NCAM2: variants seen among roughly 807,000 people sequenced by gnomAD.
NCAM2 encodes N-CAM-2.
Under a neutral mutation model 98.1 loss-of-function variants are expected in NCAM2, and 30 were observed. That is an observed-to-expected ratio of 0.31 (90% CI 0.23 to 0.41). NCAM2 has a LOEUF of 0.41. NCAM2 is among the 10% of genes least tolerant of loss of function. The probability of loss-of-function intolerance (pLI) is 1.00; values close to 1 mark genes in which losing one functional copy is unlikely to be tolerated. For synonymous variants in NCAM2, 368 were observed against 342.4 expected (o/e 1.07, Z -0.83); for missense variants, 867 against 1,005.8 (o/e 0.86, Z 1.87).
At chr21:21,074,735 C>G (rs2065643370) in intron 1 of NCAM2, among the ~76,000 whole-genome samples, 1 of 151,968 alleles carries the variant, frequency 6.6e-6, no homozygotes. Context: ...CTTCCTCTAT[C>G]TTTTCTTCTT....
chr21:21,335,171 G>C (rs2074825892), intron 6 of NCAM2, among the ~76,000 whole-genome samples: 1 of 152,008 alleles, frequency 6.6e-6, no homozygotes, highest in Non-Finnish European at 1.5e-5. Context: ...ATTTAATTGT[G>C]TATGGGATTA....
chr21:21,404,872 T>G (rs1393169072), intron 9 of NCAM2, among the ~76,000 whole-genome samples: 1 of 151,386 alleles, frequency 6.6e-6, no homozygotes, highest in East Asian at 1.9e-4. Context: ...AAGTTGCTTT[T>G]TTACAAAAGC....
rs535808748 is a variant in NCAM2 at position 21,442,977 on chromosome 21, A to G, written c.1654+10696A>G. ...ACAAACACTGGATTACTTTAACTAT[A>G]CAAAAATTTTCCTGCTTTCTCTTGT... On this transcript the variant is annotated intron_variant, in intron 12 of 17. Coordinates refer to ENST00000400546, the MANE Select transcript of NCAM2 (RefSeq NM_004540.5). Among the ~76,000 whole-genome samples, 6 of 152,244 alleles carry G rather than the reference A, an allele frequency of 3.9e-5. No individual in the cohort carries two copies. The South Asian group carries it at 1.0e-3, about 26-fold the overall frequency.
chr21:21,434,903 G>A (rs1056138077), intron 12 of NCAM2, among the ~76,000 whole-genome samples: 1 of 152,162 alleles, frequency 6.6e-6, no homozygotes. Context: ...TTCTGGTGCT[G>A]TTGACCTCAT....
chr21:21,450,815 CACACACACACACACACACAT>C (rs1222518080), intron 12 of NCAM2, among the ~76,000 whole-genome samples: 2 of 133,900 alleles, frequency 1.5e-5, no homozygotes, highest in African/African-American at 5.5e-5. Flanking sequence ...CACACACACA[CACACACACACACACACACAT>C]ATCTCCTGTC....
intron 1 of NCAM2, among the ~76,000 whole-genome samples, chr21:21,034,111 T>G (rs2146234914): frequency 6.6e-6 from 1 of 152,062 alleles, no homozygotes; most frequent in South Asian, 2.1e-4. Flanking sequence ...GTACCCTAGT[T>G]TATACATTCT....
chr21:21,206,442 C>G (rs920203081), intron 1 of NCAM2, among the ~76,000 whole-genome samples: 1 of 152,060 alleles, frequency 6.6e-6, no homozygotes, highest in African/African-American at 2.4e-5. Flanking sequence ...TTATTCTAAA[C>G]TAATTATAAT....
At chr21:21,420,530 A>C (rs556711164) in intron 11 of NCAM2, among the ~76,000 whole-genome samples, 1 of 152,080 alleles carries the variant, frequency 6.6e-6, no homozygotes, top group Non-Finnish European at 1.5e-5. Flanking sequence ...AAGAAATTTT[A>C]TAACCTTTTC....
At chr21:21,436,763 T>C (rs1253730675) in intron 12 of NCAM2, among the ~76,000 whole-genome samples, 1 of 133,250 alleles carries the variant, frequency 7.5e-6, no homozygotes, top group Non-Finnish European at 1.6e-5. Flanking sequence ...AAGCAACTTT[T>C]TTTTTCTTTT....
rs535620844 is a variant in NCAM2, at chr21:21,486,136, T to C, written c.2077+8665T>C. Among the ~76,000 whole-genome samples the C allele has an allele frequency of 2.0e-5, 3 of 151,904 alleles. No homozygotes were observed. The South Asian group carries it at 6.2e-4, about 32-fold the overall frequency. On this transcript the variant is annotated intron_variant, in intron 15 of 17. Coordinates refer to ENST00000400546, the MANE Select transcript of NCAM2 (RefSeq NM_004540.5). ...GGCTAACACGGTAAAACCCCGTCTC[T>C]ACTAAAAAATGCAAAAAATTAGCCG...
intron 11 of NCAM2, among the ~76,000 whole-genome samples, chr21:21,426,969 A>G (rs2077226948): frequency 6.6e-6 from 1 of 152,180 alleles, no homozygotes. Context: ...TTCTGAAATA[A>G]TATTCATGCT....
intron 9 of NCAM2, among the ~76,000 whole-genome samples, chr21:21,377,770 C>G (rs1231062442): frequency 6.6e-6 from 1 of 151,840 alleles, no homozygotes; most frequent in Non-Finnish European, 1.5e-5. Context: ...TGCAATAACT[C>G]TCAAAACCTA....
At chr21:21,248,814 A>G (rs1208773791) in intron 1 of NCAM2, among the ~76,000 whole-genome samples, 3 of 99,026 alleles carry the variant, frequency 3.0e-5, no homozygotes, top group Non-Finnish European at 6.2e-5. Context: ...AAAAAAAAAA[A>G]AAAGATTTAT....
At chr21:21,382,306 A>G (rs2076169783) in intron 9 of NCAM2, among the ~76,000 whole-genome samples, 1 of 151,972 alleles carries the variant, frequency 6.6e-6, no homozygotes, top group Admixed American at 6.6e-5. Flanking sequence ...TCTCTTACTA[A>G]TCTCTGGAAC....
intron 12 of NCAM2, among the ~76,000 whole-genome samples, chr21:21,460,868 C>T (rs1211437936): frequency 6.6e-6 from 1 of 151,378 alleles, no homozygotes; most frequent in Non-Finnish European, 1.5e-5. Flanking sequence ...TTAGAGTTTC[C>T]GTCAGCACAG....
At chr21:21,461,825 A>ATTACATACC (rs1468452047) in intron 12 of NCAM2, among the ~76,000 whole-genome samples, 1 of 152,048 alleles carries the variant, frequency 6.6e-6, no homozygotes, top group Middle Eastern at 3.2e-3. Flanking sequence ...AACTGAGATG[A>ATTACATACC]TTACATACCT....
chr21:21,276,328 T>A (rs2072726778), intron 1 of NCAM2, among the ~76,000 whole-genome samples: 1 of 152,112 alleles, frequency 6.6e-6, no homozygotes, highest in Non-Finnish European at 1.5e-5. Context: ...AATAAATACT[T>A]ATGAGTATAG....
chr21:21,129,232 C>A (rs1414422193), intron 1 of NCAM2, among the ~76,000 whole-genome samples: 2 of 152,070 alleles, frequency 1.3e-5, no homozygotes, highest in Non-Finnish European at 2.9e-5. Flanking sequence ...TTATCAAACA[C>A]TTCTTTTACT....
chr21:21,011,730 C>A (rs2064215346), intron 1 of NCAM2, among the ~76,000 whole-genome samples: 1 of 151,844 alleles, frequency 6.6e-6, no homozygotes, highest in Non-Finnish European at 1.5e-5. Context: ...GTAAACTATA[C>A]CTCTGATAAG....
Sources: allele counts gnomAD v4.1 joint callset (sites outside exome capture counted in the v4.1 genomes callset), GRCh38; gene constraint gnomAD v4.1.1; transcripts MANE v1.5; gene names NCBI Gene and HGNC (gene_info 2026-07-23, HGNC 2026-07-21).